The following EXT1 variants were observed in gnomAD, a reference collection of about 807,000 sequenced individuals.
EXT1 encodes exostosin glycosyltransferase 1, also known as exostosin-1.
EXT1 carries 20 observed loss-of-function variants against 82.5 expected under a neutral mutation model. The observed-to-expected ratio is 0.24, with a 90% CI of 0.17 to 0.35. EXT1 has a LOEUF of 0.35. Among genes scored for constraint, EXT1 ranks in the 10% least tolerant of loss-of-function variants. The pLI is 1.00. For synonymous variants in EXT1, 348 were observed against 350.8 expected, an observed-to-expected ratio of 0.99 and a Z score of 0.09; for missense variants, 757 against 936.5, an observed-to-expected ratio of 0.81 and a Z score of 2.50.
At position 117,826,788 on chromosome 8, in the gene EXT1, A is replaced by C. The variant is rs1812014639; in HGVS notation, c.1284+3442T>G. 2.0e-5 allele frequency among the ~76,000 whole-genome samples: 3 copies of C among 152,236 alleles called. 1 individual carries two copies. Among genetic ancestry groups the C allele is most frequent in the South Asian group, 2.1e-4 (1 of 4,820 alleles). On this transcript the variant is annotated intron_variant, in intron 4 of 10. Coordinates refer to ENST00000378204, the MANE Select transcript of EXT1 (RefSeq NM_000127.3). ...TGTATGGTTTTTAGTGTTTAAAAAAACCCCAAAACTGTGTTGCTAAAAAAA... is the reference window on the plus strand; with the variant it reads ...TGTATGGTTTTTAGTGTTTAAAAAACCCCCAAAACTGTGTTGCTAAAAAAA...
At chr8:118,033,496 C>T (rs17453917) in intron 1 of EXT1, among the ~76,000 whole-genome samples, 13 of 152,208 alleles carry the variant, frequency 8.5e-5, no homozygotes, top group Non-Finnish European at 1.8e-4. Flanking sequence ...TTCATTCATT[C>T]GAGACAGGGT....
intron 1 of EXT1, among the ~76,000 whole-genome samples, chr8:118,107,787 T>G (rs1817826145): frequency 6.6e-6 from 1 of 152,220 alleles, no homozygotes; most frequent in Non-Finnish European, 1.5e-5. Flanking sequence ...CTCAGAGGAA[T>G]GAGTCAAAAC....
At chr8:118,065,357 C>G (rs1816959664) in intron 1 of EXT1, among the ~76,000 whole-genome samples, 1 of 152,096 alleles carries the variant, frequency 6.6e-6, no homozygotes, top group South Asian at 2.1e-4. Flanking sequence ...AACCAACAAA[C>G]AGATAACATT....
chr8:117,809,209 G>GTATAAATATATATATATATATATA (rs1471755255), intron 8 of EXT1, among the ~76,000 whole-genome samples: 83 of 85,924 alleles, frequency 9.7e-4, no homozygotes, highest in African/African-American at 1.1e-3. Flanking sequence ...ATATGTGTGT[G>GTATAAATATATATATATATATATA]TGTGTATAAA....
chr8:118,016,058 C>G (rs1251859325), intron 1 of EXT1, among the ~76,000 whole-genome samples: 1 of 152,206 alleles, frequency 6.6e-6, no homozygotes, highest in African/African-American at 2.4e-5. Context: ...TTCTGGACTT[C>G]TAGACTTCGC....
rs1246935056 is a variant in EXT1 at position 118,110,873 on chromosome 8, G to A, written c.174C>T (p.Phe58=). The change falls in exon 1 of 11, where the codon TTC becomes TTT. Residue 58 remains phenylalanine, a synonymous_variant. Transcript: ENST00000378204. ...HPSPDHFWPR[F]PDALRPFVPW... Reference sequence around the variant, plus strand: ...GAACGAAGGGGCGCAGAGCGTCCGGGAAGCGGGGCCAGAAATGATCCGGAC... The same window carrying A: ...GAACGAAGGGGCGCAGAGCGTCCGGAAAGCGGGGCCAGAAATGATCCGGAC... 6.2e-7 allele frequency: 1 copy of A among 1,613,074 alleles called. No homozygotes were observed. Among genetic ancestry groups the A allele is most frequent in the Admixed American group, 1.7e-5 (1 of 59,988 alleles).
chr8:118,036,026 C>A (rs1334570527), intron 1 of EXT1, among the ~76,000 whole-genome samples: 1 of 152,032 alleles, frequency 6.6e-6, no homozygotes, highest in Non-Finnish European at 1.5e-5. Context: ...CAGTAATGAC[C>A]CATTTTACTA....
At position 117,797,619 on chromosome 8, in the gene EXT1, C is replaced by T. The variant is rs1172885787; in HGVS notation, c.*2093G>A. On this transcript the variant is annotated 3_prime_UTR_variant, in exon 11 of 11. Coordinates refer to ENST00000378204, the MANE Select transcript of EXT1 (RefSeq NM_000127.3). ...AATCCTGAAAAAAATAATTTAAATACAAATTCACAAAGGCCAAATGAATAA... is the reference window on the plus strand; with the variant it reads ...AATCCTGAAAAAAATAATTTAAATATAAATTCACAAAGGCCAAATGAATAA... The T allele has an allele frequency of 1.3e-5, 2 of 152,124 alleles. No homozygotes were observed. Among genetic ancestry groups the T allele is most frequent in the Non-Finnish European group, 2.9e-5 (2 of 68,024 alleles). 9.4% of individuals were successfully genotyped at this position (152,124 alleles called of 1,614,324 possible).
At chr8:117,944,978 C>T (rs921544889) in intron 1 of EXT1, among the ~76,000 whole-genome samples, 3 of 151,958 alleles carry the variant, frequency 2.0e-5, no homozygotes, top group East Asian at 1.9e-4. Context: ...CTGGCTAACA[C>T]GGTGAAACCC....
rs17453105 is a variant in EXT1 at position 117,912,859 on chromosome 8, T to C, written c.963-75658A>G. On this transcript the variant is annotated intron_variant, in intron 1 of 10. Transcript: ENST00000378204. ...AAACCATGAGCTAGGTTCCAGGTAA[T>C]TGGTGCATAAGAACTAAATAAGACA... Among the ~76,000 whole-genome samples the C allele has an allele frequency of 6.1e-3, 930 of 152,272 alleles. 3 individuals are homozygous for C. Among genetic ancestry groups the C allele is most frequent in the African/African-American group, 0.01 (429 of 41,548 alleles).
intron 1 of EXT1, among the ~76,000 whole-genome samples, chr8:118,013,310 G>T (rs947822062): frequency 1.6e-4 from 24 of 152,132 alleles, no homozygotes; most frequent in African/African-American, 5.3e-4. Flanking sequence ...CTAGGTTTGA[G>T]CAATTCTCCT....
Position 118,105,582 on chromosome 8 carries a change from G to A in EXT1, c.962+4503C>T, listed in dbSNP as rs17431882. On this transcript the variant is annotated intron_variant, in intron 1 of 10. Transcript: ENST00000378204. ...AGAAAGAGGCGAGAAAGGAAGGAGA[G>A]AATCAGAATCTCGGTGTCAGAAGAC... 1.5e-3 allele frequency among the ~76,000 whole-genome samples: 227 copies of A among 152,310 alleles called. 1 individual carries two copies. Among genetic ancestry groups the A allele is most frequent in the Non-Finnish European group, 2.6e-3 (176 of 68,020 alleles).
At chr8:118,030,046 T>C (rs1297689554) in intron 1 of EXT1, among the ~76,000 whole-genome samples, 5 of 152,226 alleles carry the variant, frequency 3.3e-5, no homozygotes, top group African/African-American at 9.6e-5. Flanking sequence ...TTCCCAGGGA[T>C]ATCTCTCATG....
Position 118,110,663 on chromosome 8 carries a change from G to C in EXT1, c.384C>G (p.Ala128=), listed in dbSNP as rs1817881389. ...VYPQQKGEKI[A]ESYQNILAAI... ...CCGCTAGAATGTTTTGGTAACTTTCGGCGATTTTCTCCCCTTTTTGCTGTG... is the reference window on the plus strand; with the variant it reads ...CCGCTAGAATGTTTTGGTAACTTTCCGCGATTTTCTCCCCTTTTTGCTGTG... The change falls in exon 1 of 11, where the codon GCC becomes GCG. Residue 128 remains alanine (A), a synonymous_variant. Transcript: ENST00000378204. 4 of 1,614,008 alleles carry C rather than the reference G, an allele frequency of 2.5e-6. No homozygotes were observed. Among genetic ancestry groups the C allele is most frequent in the East Asian group, 4.5e-5 (2 of 44,892 alleles).
intron 7 of EXT1, among the ~76,000 whole-genome samples, chr8:117,817,587 CG>C (rs1334222048): frequency 6.6e-6 from 1 of 151,926 alleles, no homozygotes. Flanking sequence ...AGCATGCAAA[CG>C]GGGGCTTAAA....
intron 1 of EXT1, among the ~76,000 whole-genome samples, chr8:117,917,696 T>C (rs915328184): frequency 6.6e-6 from 1 of 152,194 alleles, no homozygotes; most frequent in African/African-American, 2.4e-5. Context: ...CTTTTCTGTC[T>C]GTCAGTAGAA....
At chr8:117,824,141 T>C (rs1423871684) in intron 4 of EXT1, among the ~76,000 whole-genome samples, 1 of 152,200 alleles carries the variant, frequency 6.6e-6, no homozygotes, top group Non-Finnish European at 1.5e-5. Flanking sequence ...ATGTACCTTT[T>C]AGGATGTGGT....
At chr8:117,820,708 A>C (rs1293476304) in intron 5 of EXT1, among the ~76,000 whole-genome samples, 1 of 152,146 alleles carries the variant, frequency 6.6e-6, no homozygotes. Context: ...GAAAAAAAAA[A>C]AAAACTTAAT....
chr8:117,872,902 T>C (rs1463597359), intron 1 of EXT1, among the ~76,000 whole-genome samples: 1 of 151,424 alleles, frequency 6.6e-6, no homozygotes, highest in East Asian at 1.9e-4. Flanking sequence ...ACATAATAAA[T>C]AGATTCTAAA....
Sources: allele counts gnomAD v4.1 joint callset (sites outside exome capture counted in the v4.1 genomes callset), GRCh38; gene constraint gnomAD v4.1.1; transcripts MANE v1.5; gene names NCBI Gene and HGNC (gene_info 2026-07-23, HGNC 2026-07-21).